Variants in PCDHGB7 observed in about 807,000 individuals in gnomAD.
The protein encoded by PCDHGB7 is protocadherin gamma subfamily B, 7, also known as protocadherin gamma-B7.
PCDHGB7 carries 37 observed loss-of-function variants against 61.4 expected under a neutral mutation model. The ratio of observed to expected loss-of-function variants is 0.60; its 90% CI spans 0.46 to 0.79. The LOEUF is 0.79. Among genes scored for constraint, PCDHGB7 ranks in the 30% least tolerant of loss-of-function variants. The pLI, the probability that PCDHGB7 is intolerant of heterozygous loss-of-function variation, is 0.00. For missense variants in PCDHGB7, 1,166 were observed against 1,202.5 expected, an observed-to-expected ratio of 0.97 and a Z score of 0.45; for synonymous variants, 464 against 503.5, an observed-to-expected ratio of 0.92 and a Z score of 1.05.
At chr5:141,469,259 A>G (rs1263722797) in intron 1 of PCDHGB7, among the ~76,000 whole-genome samples, 1 of 151,822 alleles carries the variant, frequency 6.6e-6, no homozygotes, top group Admixed American at 6.6e-5. Flanking sequence ...CTTGGGCAAC[A>G]GAGCAAGACC....
chr5:141,422,414 A>G (rs2096646645), intron 1 of PCDHGB7: 1 of 1,604,894 alleles, frequency 6.2e-7, no homozygotes, highest in Admixed American at 1.7e-5. Context: ...TTTAAATTAG[A>G]AAAGACTTAT....
At chr5:141,444,152 A>ATTTTTTTTTTTTTTTTT (rs747671382) in intron 1 of PCDHGB7, among the ~76,000 whole-genome samples, 1 of 33,898 alleles carries the variant, frequency 3.0e-5, no homozygotes, top group African/African-American at 1.4e-4. Context: ...TGTGTACTGG[A>ATTTTTTTTTTTTTTTTT]TTTTTTTTTT....
chr5:141,427,013 T>A, intron 1 of PCDHGB7: 2 of 456,846 alleles, frequency 4.4e-6, no homozygotes, highest in Non-Finnish European at 8.8e-6. Flanking sequence ...TTAGCCAGGA[T>A]GTATACAAAG....
At chr5:141,503,023 A>T (rs1163676028) in intron 2 of PCDHGB7, among the ~76,000 whole-genome samples, 1 of 141,884 alleles carries the variant, frequency 7.0e-6, no homozygotes, top group African/African-American at 2.6e-5. Context: ...TTTTTTTTTT[A>T]ATATCTATTT....
In PCDHGB7 at chr5:141,476,210, G is replaced by A; in HGVS notation, c.2416-18597G>A. ...TGGTGCCTTGAACAAGGCTTCCACG[G>A]TCATTCACTATGAGATCCCGGAGGA... is the stretch of plus-strand genomic sequence containing the variant. On this transcript the variant is annotated intron_variant, in intron 1 of 3. Coordinates refer to ENST00000398594, the MANE Select transcript of PCDHGB7 (RefSeq NM_018927.4). The surrounding 1 kb of genome is among the most constrained non-coding windows in gnomAD (Gnocchi z 7.6). 6.2e-7 allele frequency: 1 copy of A among 1,614,012 alleles called. No individual in the cohort carries two copies. Among genetic ancestry groups the A allele is most frequent in the Non-Finnish European group, 8.5e-7 (1 of 1,180,012 alleles).
Position 141,444,232 on chromosome 5 carries a change from C to T in PCDHGB7, c.2415+23958C>T, listed in dbSNP as rs1411172798. Among the ~76,000 whole-genome samples the T allele has an allele frequency of 2.5e-5, 3 of 122,350 alleles. No individual in the cohort carries two copies. In the Admixed American group the frequency reaches 3.3e-4, roughly 14 times the overall value. The allele number at this position is 122,350 out of a possible 152,430, so 80.3% of individuals were successfully genotyped here. ...TGTTGCCCAGGCTGGAGTGCAATGG[C>T]ATGCTCTCGGCTCACTGCAACCTCC... is the stretch of plus-strand genomic sequence containing the variant. On this transcript the variant is annotated intron_variant, in intron 1 of 3. Coordinates refer to ENST00000398594, the MANE Select transcript of PCDHGB7 (RefSeq NM_018927.4).
intron 1 of PCDHGB7, among the ~76,000 whole-genome samples, chr5:141,450,025 G>C (rs963999877): frequency 2.7e-5 from 1 of 36,752 alleles, no homozygotes; most frequent in Non-Finnish European, 5.4e-5. Context: ...TTTTTTTTTT[G>C]AGACAGGGTC....
chr5:141,506,645 A>G (rs1229614297), intron 3 of PCDHGB7, among the ~76,000 whole-genome samples: 3 of 152,188 alleles, frequency 2.0e-5, no homozygotes, highest in African/African-American at 7.2e-5. Context: ...CCCTCAGCAC[A>G]GGATTGGCAG....
At chr5:141,443,328 A>C (rs569134076) in intron 1 of PCDHGB7, among the ~76,000 whole-genome samples, 24 of 151,794 alleles carry the variant, frequency 1.6e-4, no homozygotes, top group African/African-American at 4.8e-4. Context: ...AAAAAAAAAA[A>C]ACAAAAATTA....
At chr5:141,426,116 G>A (rs1324245739) in intron 1 of PCDHGB7, among the ~76,000 whole-genome samples, 3 of 152,232 alleles carry the variant, frequency 2.0e-5, no homozygotes, top group African/African-American at 7.2e-5. Context: ...AAGCAAGTCG[G>A]AGAGTGGCCA....
chr5:141,492,425 C>T (rs1243599547), intron 1 of PCDHGB7, among the ~76,000 whole-genome samples: 1 of 152,254 alleles, frequency 6.6e-6, no homozygotes, highest in Non-Finnish European at 1.5e-5. Flanking sequence ...CTCCGCCGGG[C>T]TCAGGAGTAC....
At chr5:141,445,342 T>C (rs1026595756) in intron 1 of PCDHGB7, among the ~76,000 whole-genome samples, 4 of 152,202 alleles carry the variant, frequency 2.6e-5, no homozygotes, top group African/African-American at 9.6e-5. Flanking sequence ...ACAGTAAACA[T>C]TGGTGTCTGC....
Position 141,486,672 on chromosome 5 carries a change from G to A in PCDHGB7, c.2416-8135G>A. The A allele has an allele frequency of 5.0e-6, 8 of 1,614,000 alleles. No homozygotes were observed. Among genetic ancestry groups the A allele is most frequent in the Non-Finnish European group, 5.9e-6 (7 of 1,180,028 alleles). On this transcript the variant is annotated intron_variant, in intron 1 of 3. Coordinates refer to ENST00000398594, the MANE Select transcript of PCDHGB7 (RefSeq NM_018927.4). This position sits in a 1 kb window ranked among gnomAD's most constrained non-coding sequence, Gnocchi z 5.0. Reference sequence around the variant, plus strand: ...TACTCACTCCTGGAGCCCAGGAATCGAGATGTATCAGCTTCCTCTTTCATC... The same window carrying A: ...TACTCACTCCTGGAGCCCAGGAATCAAGATGTATCAGCTTCCTCTTTCATC...
intron 1 of PCDHGB7, among the ~76,000 whole-genome samples, chr5:141,439,631 A>C (rs1459977985): frequency 2.0e-5 from 3 of 152,214 alleles, no homozygotes; most frequent in Non-Finnish European, 2.9e-5. Context: ...ATCCCCAGAC[A>C]TTCCGGCTTG....
chr5:141,465,865 G>A (rs374058078), intron 1 of PCDHGB7, among the ~76,000 whole-genome samples: 7 of 151,900 alleles, frequency 4.6e-5, no homozygotes, highest in African/African-American at 1.7e-4. Flanking sequence ...GCTCATGCCT[G>A]TAATCCCAGC....
intron 2 of PCDHGB7, among the ~76,000 whole-genome samples, chr5:141,500,148 G>A (rs936567158): frequency 6.6e-6 from 1 of 150,990 alleles, no homozygotes; most frequent in Non-Finnish European, 1.5e-5. Flanking sequence ...ACTTTTCTTT[G>A]TGTAATCAAA....
Position 141,417,890 on chromosome 5 carries a change from G to GCCGGC in PCDHGB7, c.35_39dup (p.Arg14AlafsTer43), listed in dbSNP as rs2096180101. The GCCGGC allele has an allele frequency of 6.4e-7, 1 of 1,568,496 alleles. No homozygotes were observed. Among genetic ancestry groups the GCCGGC allele is most frequent in the Non-Finnish European group, 8.6e-7 (1 of 1,156,362 alleles). On this transcript the variant is annotated frameshift_variant, in exon 1 of 4. Transcript: ENST00000398594. LOFTEE classifies it high-confidence loss of function. ...AGGGAGCTGCGCGCAGAGGCGCCGGGCCGGCCCGCGGCAGGTACTATTTCC... is the reference window on the plus strand; with the variant it reads ...AGGGAGCTGCGCGCAGAGGCGCCGGGCCGGCCCGGCCCGCGGCAGGTACTATTTCC...
rs1008664105 is a variant in PCDHGB7, at chr5:141,432,402, T to C, written c.2415+12128T>C. 6.2e-7 allele frequency: 1 copy of C among 1,614,194 alleles called. No homozygotes were observed. The highest frequency in any genetic ancestry group is 1.1e-5 in the South Asian group (1 of 91,082). On this transcript the variant is annotated intron_variant, in intron 1 of 3. Transcript: ENST00000398594. The surrounding 1 kb of genome is among the most constrained non-coding windows in gnomAD (Gnocchi z 6.0). ...CCGCCCCTCAGCAGCAACGTGTCGT[T>C]GAGCCTGTTCGTGCTGGACCAGAAC...
At chr5:141,442,006 G>T (rs540427406) in intron 1 of PCDHGB7, 2 of 229,074 alleles carry the variant, frequency 8.7e-6, no homozygotes, top group South Asian at 4.9e-5. Flanking sequence ...CTGACAGCTC[G>T]CACGATGGGC....
Sources: allele counts gnomAD v4.1 joint callset (sites outside exome capture counted in the v4.1 genomes callset), GRCh38; gene constraint gnomAD v4.1.1; non-coding constraint Gnocchi (gnomAD v3.1); transcripts MANE v1.5; gene names NCBI Gene and HGNC (gene_info 2026-07-23, HGNC 2026-07-21).